The following WDR7 variants were observed in gnomAD, a reference collection of about 807,000 sequenced individuals.
WDR7 encodes WD repeat-containing protein 7.
Under a neutral mutation model 169.4 loss-of-function variants are expected in WDR7, and 46 were observed. The ratio of observed to expected loss-of-function variants is 0.27; its 90% CI spans 0.21 to 0.35. WDR7 has a LOEUF of 0.35. Ranked by LOEUF, WDR7 falls within the 10% of genes least tolerant of loss-of-function variation. The pLI, the probability that WDR7 is intolerant of heterozygous loss-of-function variation, is 1.00. For synonymous variants in WDR7, 612 were observed against 666.8 expected (o/e 0.92, Z 1.27); for missense variants, 1,534 against 1,859.3 (o/e 0.83, Z 3.22).
chr18:57,020,462 T>C (rs748994977), intron 26 of WDR7, among the ~76,000 whole-genome samples: 16 of 152,228 alleles, frequency 1.1e-4, no homozygotes, highest in Non-Finnish European at 2.2e-4. Flanking sequence ...AATTAGCACA[T>C]TGGTTTGCCT....
intron 23 of WDR7, among the ~76,000 whole-genome samples, chr18:56,936,991 T>C (rs1463981429): frequency 6.6e-6 from 1 of 152,292 alleles, no homozygotes; most frequent in Admixed American, 6.5e-5. Context: ...AAGGTTTTTT[T>C]TGCCAGTTTT....
chr18:57,004,009 C>T (rs1327338955), intron 26 of WDR7, among the ~76,000 whole-genome samples: 2 of 151,890 alleles, frequency 1.3e-5, no homozygotes, highest in African/African-American at 4.8e-5. Flanking sequence ...ATTATACCCT[C>T]CACATGTGTG....
chr18:56,968,311 C>T (rs1400302435), intron 26 of WDR7, among the ~76,000 whole-genome samples: 1 of 151,932 alleles, frequency 6.6e-6, no homozygotes, highest in Non-Finnish European at 1.5e-5. Context: ...AACTCTGAGG[C>T]TTTAGAATAA....
chr18:56,731,260 T>G, intron 13 of WDR7, 123 bp from the exon 14 acceptor site: 1 of 1,115,024 alleles, frequency 9.0e-7, no homozygotes, highest in Non-Finnish European at 1.2e-6. Context: ...CAAAAAAAAA[T>G]TTCCAGGAGG....
intron 20 of WDR7, among the ~76,000 whole-genome samples, chr18:56,866,648 A>G (rs2045886514): frequency 6.6e-6 from 1 of 152,184 alleles, no homozygotes; most frequent in Admixed American, 6.5e-5. Context: ...TGATAAGCAC[A>G]TATTAAATTC....
chr18:56,864,746 G>T (rs1213584077), intron 20 of WDR7, among the ~76,000 whole-genome samples: 1 of 151,838 alleles, frequency 6.6e-6, no homozygotes. Context: ...TTGAAATTGA[G>T]ATATGAATAG....
intron 26 of WDR7, among the ~76,000 whole-genome samples, chr18:56,991,065 G>A (rs1412997059): frequency 6.6e-6 from 1 of 151,760 alleles, no homozygotes; most frequent in Non-Finnish European, 1.5e-5. Context: ...GAAAGTCAGG[G>A]CATGTGCCTT....
chr18:57,014,170 A>G (rs529067748), intron 26 of WDR7, among the ~76,000 whole-genome samples: 1 of 151,830 alleles, frequency 6.6e-6, no homozygotes, highest in Non-Finnish European at 1.5e-5. Flanking sequence ...CAATAAAAAT[A>G]CAAAAATTAG....
intron 14 of WDR7, among the ~76,000 whole-genome samples, chr18:56,749,386 T>TTGTGTGTG (rs71863855): frequency 1.3e-5 from 2 of 148,610 alleles, no homozygotes. Context: ...GTGTGTGTGT[T>TTGTGTGTG]TGTGTGTGTG....
Position 56,954,141 on chromosome 18 carries a change from A to G in WDR7, c.4065-8289A>G, listed in dbSNP as rs562493356. Among the ~76,000 whole-genome samples the G allele has an allele frequency of 6.8e-4, 103 of 152,350 alleles. 1 individual carries two copies. The highest frequency in any genetic ancestry group is 2.4e-3 in the African/African-American group (98 of 41,594). Reference sequence around the variant, plus strand: ...AATTTACTTAAGATGTTACTTCTATATTCACAAGTAGAAATCCCTCTAAAA... The same window carrying G: ...AATTTACTTAAGATGTTACTTCTATGTTCACAAGTAGAAATCCCTCTAAAA... On this transcript the variant is annotated intron_variant, in intron 25 of 27. Coordinates refer to ENST00000254442, the MANE Select transcript of WDR7 (RefSeq NM_015285.3).
intron 26 of WDR7, among the ~76,000 whole-genome samples, chr18:56,971,375 A>G (rs532900232): frequency 6.4e-4 from 97 of 151,766 alleles, no homozygotes; most frequent in African/African-American, 2.2e-3. Flanking sequence ...CCATTTATTC[A>G]TGATTTATTA....
rs1213091159 is a variant in WDR7, at chr18:56,757,024, G to C, written c.2431G>C (p.Gly811Arg). 6.2e-7 allele frequency: 1 copy of C among 1,614,010 alleles called. No individual in the cohort carries two copies. Among genetic ancestry groups the C allele is most frequent in the African/African-American group, 1.3e-5 (1 of 74,894 alleles). Residue 811 changes from glycine (G) to arginine (R), a missense_variant, in exon 15 of 28, where the codon GGT becomes CGT. By Grantham distance (125) the Gly-to-Arg change is moderately radical. Coordinates refer to ENST00000254442, the MANE Select transcript of WDR7 (RefSeq NM_015285.3). ...KLFMSCLHAW[G>R]LNEVLDEVCL... is the part of the protein sequence containing the mutation. ...GTTTATGTCCTGCCTTCACGCCTGGGGTTTGAATGAAGTACTGGATGAAGT... is the reference window on the plus strand; with the variant it reads ...GTTTATGTCCTGCCTTCACGCCTGGCGTTTGAATGAAGTACTGGATGAAGT...
intron 27 of WDR7, among the ~76,000 whole-genome samples, chr18:57,025,683 T>C (rs554079097): frequency 6.6e-6 from 1 of 152,308 alleles, no homozygotes; most frequent in African/African-American, 2.4e-5. Flanking sequence ...GGGTTATTAC[T>C]CAAGATGATT....
intron 4 of WDR7, among the ~76,000 whole-genome samples, chr18:56,682,433 A>G (rs1443797977): frequency 6.6e-6 from 1 of 152,172 alleles, no homozygotes; most frequent in Non-Finnish European, 1.5e-5. Flanking sequence ...AAAATAATTC[A>G]AAAGGGAGGA....
chr18:57,006,219 G>A (rs1184351283), intron 26 of WDR7, among the ~76,000 whole-genome samples: 1 of 152,092 alleles, frequency 6.6e-6, no homozygotes, highest in Non-Finnish European at 1.5e-5. Flanking sequence ...TAGTAATTAT[G>A]AGCAGATTAC....
At chr18:56,782,943 C>T (rs1298316034) in intron 19 of WDR7, among the ~76,000 whole-genome samples, 1 of 151,906 alleles carries the variant, frequency 6.6e-6, no homozygotes, top group Non-Finnish European at 1.5e-5. Context: ...TTGTTAAGTG[C>T]GTAGAACAAT....
At chr18:56,717,175 AAAGTT>A (rs2026212209) in intron 12 of WDR7, among the ~76,000 whole-genome samples, 2 of 152,192 alleles carry the variant, frequency 1.3e-5, no homozygotes, top group South Asian at 2.1e-4. Flanking sequence ...AAGTCACTGA[AAAGTT>A]AAGTTTTCAA....
At chr18:56,862,813 G>A (rs1375319966) in intron 20 of WDR7, among the ~76,000 whole-genome samples, 2 of 151,666 alleles carry the variant, frequency 1.3e-5, no homozygotes, top group Admixed American at 6.6e-5. Context: ...TGATATTCTG[G>A]TAACCATGGC....
intron 6 of WDR7, among the ~76,000 whole-genome samples, chr18:56,686,520 A>G (rs1194404335): frequency 1.3e-5 from 2 of 152,022 alleles, no homozygotes; most frequent in Non-Finnish European, 2.9e-5. Flanking sequence ...AATTCAGGAG[A>G]AGATAGAGGA....
Sources: gnomAD v4.1 joint callset for allele counts (sites outside exome capture counted in the v4.1 genomes callset) on GRCh38, gnomAD v4.1.1 for gene constraint, MANE v1.5 for transcripts, NCBI Gene and HGNC (gene_info 2026-07-23, HGNC 2026-07-21) for gene names.